SPATA16: variants seen among roughly 807,000 people sequenced by gnomAD.
The protein encoded by SPATA16 is spermatogenesis-associated protein 16.
Under a neutral mutation model 63.3 loss-of-function variants are expected in SPATA16, and 36 were observed. That is an observed-to-expected ratio of 0.57 (90% CI 0.44 to 0.75). The LOEUF (loss-of-function observed/expected upper bound fraction) is 0.75, where lower values mean the gene tolerates loss of function less well. Ranked by LOEUF, SPATA16 falls within the 30% of genes least tolerant of loss-of-function variation. The pLI is 0.00. For missense variants in SPATA16, 646 were observed against 679.3 expected (o/e 0.95, Z 0.54); for synonymous variants, 203 against 216.7 (o/e 0.94, Z 0.56).
intron 3 of SPATA16, among the ~76,000 whole-genome samples, chr3:173,044,172 T>A (rs1735906804): frequency 6.6e-6 from 1 of 152,280 alleles, no homozygotes; most frequent in East Asian, 1.9e-4. Context: ...ATTTTTTATA[T>A]CCTATTTTCT....
At chr3:173,120,946 G>A (rs1738048962) in intron 1 of SPATA16, among the ~76,000 whole-genome samples, 1 of 152,062 alleles carries the variant, frequency 6.6e-6, no homozygotes, top group Non-Finnish European at 1.5e-5. Context: ...AAATAACAGG[G>A]GGAAAAATTA....
intron 2 of SPATA16, among the ~76,000 whole-genome samples, chr3:173,110,537 C>T (rs1475896089): frequency 6.6e-6 from 1 of 152,292 alleles, no homozygotes; most frequent in Admixed American, 6.5e-5. Context: ...AAACACATAC[C>T]ATACAGGGAA....
At chr3:173,098,525 C>T (rs1024548992) in intron 2 of SPATA16, among the ~76,000 whole-genome samples, 3 of 152,120 alleles carry the variant, frequency 2.0e-5, no homozygotes, top group Non-Finnish European at 4.4e-5. Flanking sequence ...ATTTTAAAGG[C>T]CTCTTGGGGA....
chr3:172,902,965 A>G (rs1000397913), intron 10 of SPATA16, among the ~76,000 whole-genome samples: 1 of 152,228 alleles, frequency 6.6e-6, no homozygotes, highest in East Asian at 1.9e-4. Flanking sequence ...GATGAAAGGT[A>G]TAATGAATAC....
chr3:173,101,759 A>G (rs1366814679), intron 2 of SPATA16, among the ~76,000 whole-genome samples: 1 of 152,164 alleles, frequency 6.6e-6, no homozygotes, highest in Non-Finnish European at 1.5e-5. Context: ...CCTATACTCT[A>G]GATCCAAGAG....
chr3:172,915,528 G>A (rs2109564513), intron 9 of SPATA16, among the ~76,000 whole-genome samples: 1 of 151,574 alleles, frequency 6.6e-6, no homozygotes, highest in Admixed American at 6.6e-5. Flanking sequence ...CTAAGTAAAG[G>A]GCCTTTCCCT....
At chr3:172,924,146 T>C in intron 8 of SPATA16, 62 bp downstream of exon 8, 1 of 1,333,910 alleles carries the variant, frequency 7.5e-7, no homozygotes, top group Non-Finnish European at 1.1e-6. Context: ...GTAAGCCTTA[T>C]ATACTTCTAG....
At chr3:172,960,077 A>C (rs1733713452) in intron 5 of SPATA16, among the ~76,000 whole-genome samples, 1 of 152,030 alleles carries the variant, frequency 6.6e-6, no homozygotes, top group African/African-American at 2.4e-5. Context: ...ATAATCTTAG[A>C]CATTAAAATA....
chr3:173,140,070 G>C (rs1738667344), intron 1 of SPATA16, among the ~76,000 whole-genome samples: 1 of 152,118 alleles, frequency 6.6e-6, no homozygotes, highest in Non-Finnish European at 1.5e-5. Context: ...ATCATTTTAA[G>C]GTTCTGTATC....
chr3:172,986,366 T>C (rs993564344), intron 4 of SPATA16, among the ~76,000 whole-genome samples: 2 of 152,128 alleles, frequency 1.3e-5, no homozygotes, highest in African/African-American at 4.8e-5. Flanking sequence ...TCCACAAAGA[T>C]GAGGATACTA....
At chr3:173,072,399 G>C (rs1339402964) in intron 2 of SPATA16, among the ~76,000 whole-genome samples, 2 of 152,118 alleles carry the variant, frequency 1.3e-5, no homozygotes, top group Non-Finnish European at 2.9e-5. Flanking sequence ...GATATGGTTT[G>C]GCTGTGTCCC....
At chr3:173,100,287 G>A (rs891471412) in intron 2 of SPATA16, among the ~76,000 whole-genome samples, 1 of 152,066 alleles carries the variant, frequency 6.6e-6, no homozygotes, top group Non-Finnish European at 1.5e-5. Flanking sequence ...ACCCAAATAA[G>A]TAATAGGATA....
chr3:172,894,505 A>AGC (rs1731966758), intron 10 of SPATA16, among the ~76,000 whole-genome samples: 1 of 138,970 alleles, frequency 7.2e-6, no homozygotes, highest in East Asian at 2.1e-4. Context: ...AAAAAAAAAA[A>AGC]GCCAAACTAT....
chr3:173,120,554 T>C (rs1400588795), intron 1 of SPATA16, among the ~76,000 whole-genome samples: 3 of 152,216 alleles, frequency 2.0e-5, no homozygotes, highest in Non-Finnish European at 4.4e-5. Flanking sequence ...AGAATATCTG[T>C]AGTTGATTGT....
chr3:173,011,063 G>A (rs1194405656), intron 4 of SPATA16, among the ~76,000 whole-genome samples: 1 of 152,136 alleles, frequency 6.6e-6, no homozygotes, highest in Non-Finnish European at 1.5e-5. Context: ...TCAAGGAGGA[G>A]GGACTTCTCT....
At chr3:173,088,072 T>TTCTGTCTTTCTG (rs1424267598) in intron 2 of SPATA16, among the ~76,000 whole-genome samples, 1 of 128,108 alleles carries the variant, frequency 7.8e-6, no homozygotes, top group Non-Finnish European at 1.7e-5. Context: ...CTTTCTTTCT[T>TTCTGTCTTTCTG]TCTTTCTGTC....
At chr3:173,130,358 C>CAAAAAAAAAAA (rs1202660573) in intron 1 of SPATA16, among the ~76,000 whole-genome samples, 1 of 39,892 alleles carries the variant, frequency 2.5e-5, no homozygotes, top group African/African-American at 6.8e-5. Context: ...GACTTCGTCT[C>CAAAAAAAAAAA]AAAAAAAAAA....
At chr3:172,946,486 T>C (rs942142287) in intron 6 of SPATA16, among the ~76,000 whole-genome samples, 8 of 152,178 alleles carry the variant, frequency 5.3e-5, no homozygotes, top group Non-Finnish European at 1.2e-4. Flanking sequence ...GACCCAGCCC[T>C]GGGAACATTC....
At chr3:172,966,161 G>GA (rs567981128) in intron 5 of SPATA16, among the ~76,000 whole-genome samples, 3 of 151,944 alleles carry the variant, frequency 2.0e-5, no homozygotes, top group African/African-American at 4.8e-5. Context: ...TTTGTGACAA[G>GA]AAAAAAATCA....
Sources: allele counts gnomAD v4.1 joint callset (sites outside exome capture counted in the v4.1 genomes callset), GRCh38; gene constraint gnomAD v4.1.1; transcripts MANE v1.5; gene names NCBI Gene and HGNC (gene_info 2026-07-23, HGNC 2026-07-21).